The following ADARB2 variants were observed in gnomAD, a reference collection of about 807,000 sequenced individuals.
ADARB2 encodes inactive double-stranded RNA-specific editase B2.
In ADARB2, 25 loss-of-function variants were observed where a neutral mutation model predicts 62.2. The observed-to-expected ratio is 0.40, with a 90% CI of 0.29 to 0.56. ADARB2 has a LOEUF of 0.56. ADARB2 is among the 20% of genes least tolerant of loss of function. The pLI, the probability that ADARB2 is intolerant of heterozygous loss-of-function variation, is 0.43. For missense variants in ADARB2, 1,071 were observed against 1,077.4 expected (o/e 0.99, Z 0.08); for synonymous variants, 572 against 500.8 (o/e 1.14, Z -1.90).
At chr10:1,529,080 A>G (rs1338268084) in intron 1 of ADARB2, among the ~76,000 whole-genome samples, 1 of 145,042 alleles carries the variant, frequency 6.9e-6, no homozygotes, top group African/African-American at 2.5e-5. Context: ...TCCACCCACC[A>G]TGCCCAACAC....
chr10:1,712,655 A>ACT (rs1564201984), intron 1 of ADARB2, among the ~76,000 whole-genome samples: 20 of 64 alleles, frequency 0.31, no homozygotes, highest in East Asian at 0.5. Flanking sequence ...CCCCCAGGGA[A>ACT]GGAGGGCACT....
At chr10:1,312,705 C>T (rs1315580970) in intron 3 of ADARB2, among the ~76,000 whole-genome samples, 4 of 152,158 alleles carry the variant, frequency 2.6e-5, no homozygotes, top group Admixed American at 6.5e-5. Context: ...CTGCCCAACC[C>T]GCATGGGCAG....
chr10:1,653,613 T>C (rs1303148169), intron 1 of ADARB2, among the ~76,000 whole-genome samples: 23 of 109,724 alleles, frequency 2.1e-4, no homozygotes, highest in African/African-American at 4.1e-4. Context: ...CCCAACGCCT[T>C]CTGTGCCTGC....
At chr10:1,512,305 C>G (rs1226374061) in intron 1 of ADARB2, among the ~76,000 whole-genome samples, 1 of 152,178 alleles carries the variant, frequency 6.6e-6, no homozygotes, top group Non-Finnish European at 1.5e-5. Context: ...GCTGTCTACA[C>G]TGGATACCAA....
intron 1 of ADARB2, among the ~76,000 whole-genome samples, chr10:1,436,951 A>G (rs913890616): frequency 1.3e-5 from 2 of 152,350 alleles, no homozygotes; most frequent in Middle Eastern, 3.4e-3. Flanking sequence ...TCAGAAAAGT[A>G]TAGTAGTTAC....
chr10:1,490,116 G>C (rs1831601482), intron 1 of ADARB2, among the ~76,000 whole-genome samples: 1 of 152,178 alleles, frequency 6.6e-6, no homozygotes, highest in African/African-American at 2.4e-5. Context: ...GGAGGCCCAG[G>C]AGAAGAAGCA....
At chr10:1,518,539 G>A (rs757233522) in intron 1 of ADARB2, among the ~76,000 whole-genome samples, 1 of 152,190 alleles carries the variant, frequency 6.6e-6, no homozygotes, top group African/African-American at 2.4e-5. Flanking sequence ...GTTGTCATAC[G>A]CCTGCATTTC....
At chr10:1,515,822 C>G (rs1376432954) in intron 1 of ADARB2, among the ~76,000 whole-genome samples, 2 of 152,246 alleles carry the variant, frequency 1.3e-5, no homozygotes, top group Non-Finnish European at 2.9e-5. Flanking sequence ...ATGCTATTCT[C>G]ACTCAGCCGA....
At chr10:1,459,979 G>GCCTGTGACCTGAGTTTACCTGTGTAA (rs1831149141) in intron 1 of ADARB2, among the ~76,000 whole-genome samples, 1 of 76,558 alleles carries the variant, frequency 1.3e-5, no homozygotes, top group African/African-American at 5.3e-5. Context: ...TACCTGTGTA[G>GCCTGTGACCTGAGTTTACCTGTGTAA]CAAACCTGCC....
At chr10:1,266,425 A>G (rs1249212727) in intron 4 of ADARB2, among the ~76,000 whole-genome samples, 1 of 147,102 alleles carries the variant, frequency 6.8e-6, no homozygotes, top group East Asian at 2.0e-4. Flanking sequence ...TGAAAGATGG[A>G]GTCCCACCCT....
chr10:1,497,113 C>T (rs906935835), intron 1 of ADARB2, among the ~76,000 whole-genome samples: 2 of 152,010 alleles, frequency 1.3e-5, no homozygotes, highest in Non-Finnish European at 2.9e-5. Flanking sequence ...AAGCCTAAGT[C>T]GTCACATCAA....
chr10:1,427,867 G>T (rs1239984497), intron 1 of ADARB2, among the ~76,000 whole-genome samples: 3 of 152,128 alleles, frequency 2.0e-5, no homozygotes, highest in Non-Finnish European at 2.9e-5. Flanking sequence ...ACACACCATG[G>T]TCATACACAC....
intron 1 of ADARB2, among the ~76,000 whole-genome samples, chr10:1,595,745 C>A (rs191642727): frequency 6.6e-6 from 1 of 152,362 alleles, no homozygotes; most frequent in Admixed American, 6.5e-5. Context: ...AAAATCCTCC[C>A]AGGTGAACCA....
At chr10:1,284,189 C>T (rs1024580411) in intron 3 of ADARB2, among the ~76,000 whole-genome samples, 7 of 152,128 alleles carry the variant, frequency 4.6e-5, no homozygotes, top group African/African-American at 7.2e-5. Context: ...AGATCGCTCC[C>T]ACGTGAAGCT....
At chr10:1,632,799 G>A (rs1403331681) in intron 1 of ADARB2, among the ~76,000 whole-genome samples, 2 of 152,230 alleles carry the variant, frequency 1.3e-5, no homozygotes, top group Non-Finnish European at 2.9e-5. Flanking sequence ...AGCGTGACAT[G>A]CTGTAAAGGC....
intron 3 of ADARB2, among the ~76,000 whole-genome samples, chr10:1,306,413 T>C (rs1217257326): frequency 1.3e-5 from 2 of 151,510 alleles, no homozygotes; most frequent in African/African-American, 4.8e-5. Context: ...TGAAAGAGGA[T>C]ACAAACAAAT....
intron 1 of ADARB2, among the ~76,000 whole-genome samples, chr10:1,560,234 A>T (rs139367544): frequency 1.7e-3 from 259 of 152,374 alleles, no homozygotes; most frequent in African/African-American, 5.8e-3. Flanking sequence ...CCTTGAAAAG[A>T]ATAGGATCTA....
At chr10:1,718,381 C>T (rs1431539546) in intron 1 of ADARB2, among the ~76,000 whole-genome samples, 1 of 152,218 alleles carries the variant, frequency 6.6e-6, no homozygotes, top group Non-Finnish European at 1.5e-5. Context: ...AGGCTGCTTC[C>T]TCCCAGTGTT....
At chr10:1,576,254 T>C (rs925258046) in intron 1 of ADARB2, among the ~76,000 whole-genome samples, 5 of 141,362 alleles carry the variant, frequency 3.5e-5, no homozygotes, top group African/African-American at 1.4e-4. Flanking sequence ...TGGCTTAGGG[T>C]CACTGTAGGG....
Sources: allele counts gnomAD v4.1 joint callset (sites outside exome capture counted in the v4.1 genomes callset), GRCh38; gene constraint gnomAD v4.1.1; transcripts MANE v1.5; gene names NCBI Gene and HGNC (gene_info 2026-07-23, HGNC 2026-07-21).